The following FRMD4B variants were observed in gnomAD, a reference collection of about 807,000 sequenced individuals.
FRMD4B encodes FERM domain containing 4B.
Under a neutral mutation model 141.5 loss-of-function variants are expected in FRMD4B, and 74 were observed. That is an observed-to-expected ratio of 0.52 (90% CI 0.43 to 0.63). The LOEUF is 0.63. Among genes scored for constraint, FRMD4B ranks in the 30% least tolerant of loss-of-function variants. FRMD4B has a pLI of 0.00. For synonymous variants in FRMD4B, 506 were observed against 467.9 expected (o/e 1.08, Z -1.05); for missense variants, 1,366 against 1,253.4 (o/e 1.09, Z -1.36).
intron 2 of FRMD4B, among the ~76,000 whole-genome samples, chr3:69,421,435 G>A (rs1156359488): frequency 6.6e-6 from 1 of 152,136 alleles, no homozygotes; most frequent in Non-Finnish European, 1.5e-5. Context: ...GGAACAGTGG[G>A]GACTGGAGAG....
rs1278433254 is a variant in FRMD4B, at chr3:69,422,132, G to C, written c.-1+10502C>G. ...GGGCCGGGCGTGGTGGCCCATGCCT[G>C]TAATCCCAGCACTTTGGGAGGCTGA... is the stretch of plus-strand genomic sequence containing the variant. On this transcript the variant is annotated intron_variant, in intron 2 of 5. Transcript: ENST00000459638. 2.0e-5 allele frequency among the ~76,000 whole-genome samples: 3 copies of C among 152,124 alleles called. No homozygotes were observed. The East Asian group carries it at 5.8e-4, about 29-fold the overall frequency.
intron 1 of FRMD4B, among the ~76,000 whole-genome samples, chr3:69,350,687 T>C (rs1447187545): frequency 7.9e-5 from 12 of 152,112 alleles, no homozygotes; most frequent in Admixed American, 7.9e-4. Flanking sequence ...ACATGGATGG[T>C]GCTGGAAACT....
intron 7 of FRMD4B, among the ~76,000 whole-genome samples, chr3:69,248,043 C>T (rs1359784649): frequency 1.3e-5 from 2 of 152,086 alleles, no homozygotes; most frequent in African/African-American, 2.4e-5. Flanking sequence ...CCTCCCTCCT[C>T]GGCCTCCCAA....
chr3:69,455,682 T>A (rs544823132), intron 1 of FRMD4B, among the ~76,000 whole-genome samples: 1 of 152,356 alleles, frequency 6.6e-6, no homozygotes, highest in African/African-American at 2.4e-5. Context: ...CCCACCAATT[T>A]TGGGCACAAG....
chr3:69,228,379 C>G (rs1292106072), intron 7 of FRMD4B: 3 of 456,854 alleles, frequency 6.6e-6, no homozygotes, highest in Non-Finnish European at 1.3e-5. Flanking sequence ...AGAAAATCAA[C>G]TGGGTAAGCG....
At chr3:69,377,637 T>C (rs1156670754) in intron 1 of FRMD4B, among the ~76,000 whole-genome samples, 1 of 152,078 alleles carries the variant, frequency 6.6e-6, no homozygotes, top group African/African-American at 2.4e-5. Context: ...CCATCCCCCT[T>C]TTCAAGGGTA....
intron 5 of FRMD4B, among the ~76,000 whole-genome samples, chr3:69,279,172 G>A (rs1304388551): frequency 6.6e-6 from 1 of 152,140 alleles, no homozygotes; most frequent in Non-Finnish European, 1.5e-5. Flanking sequence ...TATTTGCTAA[G>A]TATTTTACGA....
chr3:69,490,799 T>A (rs568249128), intron 1 of FRMD4B, among the ~76,000 whole-genome samples: 1 of 152,244 alleles, frequency 6.6e-6, no homozygotes, highest in Admixed American at 6.5e-5. Context: ...AGGCCTATAA[T>A]AAGAGACGTT....
At chr3:69,441,446 T>C (rs1463523311) in intron 1 of FRMD4B, among the ~76,000 whole-genome samples, 1 of 152,206 alleles carries the variant, frequency 6.6e-6, no homozygotes, top group Non-Finnish European at 1.5e-5. Flanking sequence ...TTCAGATGTC[T>C]TCTCTCAGAG....
intron 10 of FRMD4B, among the ~76,000 whole-genome samples, chr3:69,217,245 G>T (rs2093149526): frequency 6.6e-6 from 1 of 152,206 alleles, no homozygotes; most frequent in South Asian, 2.1e-4. Context: ...TTTTGCCAAA[G>T]CAAAGAATAT....
chr3:69,219,613 T>C (rs907758706), intron 9 of FRMD4B, among the ~76,000 whole-genome samples: 2 of 152,112 alleles, frequency 1.3e-5, no homozygotes, highest in Non-Finnish European at 2.9e-5. Flanking sequence ...TGGGTACTTT[T>C]TTTTTTTTAA....
chr3:69,431,984 C>G (rs1031583828), intron 2 of FRMD4B, among the ~76,000 whole-genome samples: 5 of 152,146 alleles, frequency 3.3e-5, no homozygotes, highest in African/African-American at 7.2e-5. Flanking sequence ...GTTGTGTTGC[C>G]TACATGCCTG....
At chr3:69,253,646 C>A (rs770022484) in intron 5 of FRMD4B, among the ~76,000 whole-genome samples, 3 of 152,100 alleles carry the variant, frequency 2.0e-5, no homozygotes, top group Non-Finnish European at 2.9e-5. Context: ...TCCAAGCCTA[C>A]TGCTAATTAT....
At chr3:69,523,066 G>C (rs1208971886) in intron 1 of FRMD4B, among the ~76,000 whole-genome samples, 1 of 150,592 alleles carries the variant, frequency 6.6e-6, no homozygotes, top group Non-Finnish European at 1.5e-5. Context: ...AGAAGTGTTA[G>C]TGCATTTAAA....
chr3:69,357,643 G>A (rs999247285), intron 1 of FRMD4B, among the ~76,000 whole-genome samples: 5 of 152,122 alleles, frequency 3.3e-5, no homozygotes, highest in African/African-American at 4.8e-5. Context: ...GAAGCTTTGC[G>A]TTTTATCTCA....
chr3:69,376,301 G>C (rs1270325385), intron 1 of FRMD4B, among the ~76,000 whole-genome samples: 4 of 152,094 alleles, frequency 2.6e-5, no homozygotes, highest in African/African-American at 9.7e-5. Context: ...CTTAAACAGT[G>C]CTGGGAGCAT....
chr3:69,173,113 G>A (rs1419179774), intron 22 of FRMD4B, among the ~76,000 whole-genome samples: 1 of 152,184 alleles, frequency 6.6e-6, no homozygotes, highest in African/African-American at 2.4e-5. Flanking sequence ...CATTCTTGGG[G>A]ATAGAAGCCC....
At chr3:69,319,591 AC>A (rs1277846001) in intron 1 of FRMD4B, among the ~76,000 whole-genome samples, 1 of 152,134 alleles carries the variant, frequency 6.6e-6, no homozygotes, top group African/African-American at 2.4e-5. Context: ...TGTGCCTGGC[AC>A]CCAGCGAGGC....
chr3:69,475,775 C>A (rs192287776), intron 1 of FRMD4B, among the ~76,000 whole-genome samples: 7 of 150,702 alleles, frequency 4.6e-5, no homozygotes, highest in African/African-American at 1.7e-4. Context: ...CCCTGGGAAT[C>A]GCCACACCGA....
Sources: allele counts gnomAD v4.1 joint callset (sites outside exome capture counted in the v4.1 genomes callset), GRCh38; gene constraint gnomAD v4.1.1; transcripts MANE v1.5; gene names NCBI Gene and HGNC (gene_info 2026-07-23, HGNC 2026-07-21).